Variants in COL5A2 observed in about 807,000 individuals in gnomAD.
COL5A2 encodes collagen type V alpha 2 chain.
A neutral mutation model predicts 208.2 loss-of-function variants in COL5A2; 23 were observed. The ratio of observed to expected loss-of-function variants is 0.11; its 90% CI spans 0.08 to 0.16. The LOEUF (loss-of-function observed/expected upper bound fraction) is 0.16. COL5A2 is among the 10% of genes least tolerant of loss of function. The pLI is 1.00. For missense variants in COL5A2, 1,590 were observed against 1,956.4 expected (o/e 0.81, Z 3.53); for synonymous variants, 625 against 628.5 (o/e 0.99, Z 0.08).
At chr2:189,382,062 T>C in the COL5A2 span, among the ~76,000 whole-genome samples, 1 of 152,214 alleles carries the variant, frequency 6.6e-6, no homozygotes, top group Admixed American at 6.5e-5. Context: ...TATTTTTCCA[T>C]ATCCATTAAA....
chr2:189,342,680 C>CACACA, the COL5A2 span, among the ~76,000 whole-genome samples: 2 of 128,244 alleles, frequency 1.6e-5, no homozygotes, highest in Admixed American at 1.6e-4. Context: ...CACACACACA[C>CACACA]AATAAATATG....
Position 189,113,323 on chromosome 2 carries a change from G to A in COL5A2, c.98-2874C>T, listed in dbSNP as rs1053103959. 2.0e-5 allele frequency among the ~76,000 whole-genome samples: 3 copies of A among 152,026 alleles called. No individual in the cohort carries two copies. The East Asian group carries it at 5.8e-4, about 29-fold the overall frequency. ...TTGTGCCTGTAGCTCCAGCTACTCC[G>A]AAGGTGAGGTAGGAGGATGATTTTA... On this transcript the variant is annotated intron_variant, in intron 1 of 53. Coordinates refer to ENST00000374866, the MANE Select transcript of COL5A2 (RefSeq NM_000393.5).
At chr2:189,400,453 A>C in the COL5A2 span, among the ~76,000 whole-genome samples, 1 of 152,190 alleles carries the variant, frequency 6.6e-6, no homozygotes, top group East Asian at 1.9e-4. Context: ...CTACCCATTA[A>C]CTTTTTTCAG....
At chr2:189,257,057 C>T in the COL5A2 span, among the ~76,000 whole-genome samples, 1 of 152,164 alleles carries the variant, frequency 6.6e-6, no homozygotes, top group Non-Finnish European at 1.5e-5. Context: ...CTTGTGCAGA[C>T]CTCATTTCAT....
At chr2:189,319,479 T>C in the COL5A2 span, among the ~76,000 whole-genome samples, 14 of 152,214 alleles carry the variant, frequency 9.2e-5, no homozygotes, top group Non-Finnish European at 2.9e-5. Context: ...ATACTGCGCT[T>C]TTCCAATGGT....
At chr2:189,353,632 A>G in the COL5A2 span, among the ~76,000 whole-genome samples, 8 of 152,216 alleles carry the variant, frequency 5.3e-5, no homozygotes, top group Non-Finnish European at 1.0e-4. Flanking sequence ...ATTTCTGCAC[A>G]TTGATTTTGT....
At chr2:189,195,119 A>G (rs1384144008) in intron 1 of COL5A2, among the ~76,000 whole-genome samples, 2 of 152,196 alleles carry the variant, frequency 1.3e-5, no homozygotes, top group African/African-American at 4.8e-5. Context: ...AACTTCAACA[A>G]AGTCTCAGGA....
chr2:189,203,622 ACGCC>A (rs1689106710), intron 1 of COL5A2, among the ~76,000 whole-genome samples: 1 of 152,206 alleles, frequency 6.6e-6, no homozygotes, highest in African/African-American at 2.4e-5. Flanking sequence ...GGTCGAGGCC[ACGCC>A]CTACTTACAT....
At chr2:189,128,569 C>CA (rs1479617138) in intron 1 of COL5A2, among the ~76,000 whole-genome samples, 2 of 151,884 alleles carry the variant, frequency 1.3e-5, no homozygotes, top group Non-Finnish European at 2.9e-5. Flanking sequence ...CAGAATCGCT[C>CA]AGAGAATTTT....
At chr2:189,330,838 G>A in the COL5A2 span, among the ~76,000 whole-genome samples, 2 of 152,154 alleles carry the variant, frequency 1.3e-5, no homozygotes, top group Non-Finnish European at 2.9e-5. Flanking sequence ...TTTTCTTGAA[G>A]AAAATAATAC....
chr2:189,248,942 T>C, the COL5A2 span, among the ~76,000 whole-genome samples: 1 of 152,134 alleles, frequency 6.6e-6, no homozygotes, highest in South Asian at 2.1e-4. Flanking sequence ...ATAATTCCAA[T>C]AAATAGGAGG....
At chr2:189,373,685 AT>A in the COL5A2 span, among the ~76,000 whole-genome samples, 1 of 152,360 alleles carries the variant, frequency 6.6e-6, no homozygotes, top group South Asian at 2.1e-4. Flanking sequence ...GGAAAAAAAT[AT>A]GGCAAGGACA....
intron 24 of COL5A2, 92 bp from the exon 25 acceptor site, chr2:189,064,747 C>T: frequency 1.0e-6 from 1 of 979,338 alleles, no homozygotes; most frequent in Non-Finnish European, 1.6e-6. Flanking sequence ...AATCAAGGCA[C>T]TAATATAACA....
At chr2:189,128,865 G>T (rs1687658184) in intron 1 of COL5A2, among the ~76,000 whole-genome samples, 1 of 151,914 alleles carries the variant, frequency 6.6e-6, no homozygotes. Context: ...TGGGGCACTT[G>T]CGTCCTTAGG....
chr2:189,407,683 C>T, the COL5A2 span, among the ~76,000 whole-genome samples: 1 of 152,088 alleles, frequency 6.6e-6, no homozygotes, highest in East Asian at 1.9e-4. Context: ...GAATCACCTA[C>T]CCAGAGACAT....
At chr2:189,305,830 A>AAAC in the COL5A2 span, among the ~76,000 whole-genome samples, 1 of 151,892 alleles carries the variant, frequency 6.6e-6, no homozygotes, top group East Asian at 1.9e-4. Context: ...AAAAAAAAAA[A>AAAC]AACTAGACAT....
At chr2:189,139,691 G>A (rs1687898679) in intron 1 of COL5A2, among the ~76,000 whole-genome samples, 1 of 152,136 alleles carries the variant, frequency 6.6e-6, no homozygotes, top group Non-Finnish European at 1.5e-5. Context: ...AGGGAAAATT[G>A]GGTCTAGATT....
chr2:189,193,469 C>A (rs949936179), intron 1 of COL5A2, among the ~76,000 whole-genome samples: 1 of 152,136 alleles, frequency 6.6e-6, no homozygotes, highest in Admixed American at 6.5e-5. Flanking sequence ...TATAAATGAT[C>A]TTTGTTGATG....
Position 189,097,173 on chromosome 2 carries a change from A to T in COL5A2, c.456+104T>A, listed in dbSNP as rs964768152. ...ATTGTATTTTTGTAAAATTTAATGG[A>T]GGTGAAAGAGGAATAGTGCTCCCAG... On this transcript the variant is annotated intron_variant, in intron 6 of 53. Transcript: ENST00000374866. The T allele has an allele frequency of 9.0e-6, 9 of 998,744 alleles. No individual in the cohort carries two copies. The East Asian group carries it at 2.2e-4, about 24-fold the overall frequency. 61.9% of individuals were successfully genotyped at this position (998,744 alleles called of 1,614,324 possible).
Sources: gnomAD v4.1 joint callset for allele counts (sites outside exome capture counted in the v4.1 genomes callset) on GRCh38, gnomAD v4.1.1 for gene constraint, MANE v1.5 for transcripts, NCBI Gene and HGNC (gene_info 2026-07-23, HGNC 2026-07-21) for gene names.